Variants in SGSM2 observed in about 807,000 individuals in gnomAD.
SGSM2 encodes small G protein signaling modulator 2, also known as RUN and TBC1 domain containing 1.
In SGSM2, 89 loss-of-function variants were observed where a neutral mutation model predicts 126.6. The observed-to-expected ratio is 0.70, with a 90% CI of 0.59 to 0.84. The LOEUF is 0.84. SGSM2 is among the 40% of genes least tolerant of loss of function. SGSM2 has a pLI of 0.00. For missense variants in SGSM2, 1,404 were observed against 1,416.6 expected (o/e 0.99, Z 0.14); for synonymous variants, 614 against 574.3 (o/e 1.07, Z -0.99).
chr17:2,369,600 G>A (rs2065767087), intron 12 of SGSM2, among the ~76,000 whole-genome samples: 1 of 152,180 alleles, frequency 6.6e-6, no homozygotes, highest in Non-Finnish European at 1.5e-5. Context: ...CCTTCCTGGA[G>A]GATTAAGGTG....
In SGSM2 at chr17:2,337,995, G is replaced by A. The variant is rs141888875; in HGVS notation, c.57+250G>A. On this transcript the variant is annotated intron_variant, in intron 1 of 23. Transcript: ENST00000268989. This position sits in a 1 kb window ranked among gnomAD's most constrained non-coding sequence, Gnocchi z 5.1. Reference sequence around the variant, plus strand: ...GCCCCGCAGCTCCCCGCCCAGTGACGGCAGCGGCGCTGGGAGCCCAAGGCC... The same window carrying A: ...GCCCCGCAGCTCCCCGCCCAGTGACAGCAGCGGCGCTGGGAGCCCAAGGCC... Among the ~76,000 whole-genome samples the A allele has an allele frequency of 2.0e-3, 304 of 152,154 alleles. 2 individuals carry two copies. The highest frequency in any genetic ancestry group is 6.3e-3 in the African/African-American group (261 of 41,546).
chr17:2,340,805 C>T (rs550831241), intron 1 of SGSM2, among the ~76,000 whole-genome samples: 50 of 152,166 alleles, frequency 3.3e-4, no homozygotes, highest in South Asian at 1.2e-3. Context: ...AGGATGGTCT[C>T]GATCTCCTGA....
At chr17:2,364,790 A>G (rs1361045753) in intron 9 of SGSM2, 107 bp from the exon 10 acceptor site, 33 of 1,559,220 alleles carry the variant, frequency 2.1e-5, no homozygotes, top group Non-Finnish European at 2.7e-5. Context: ...CTCCCAGGCC[A>G]TGCTGTAGCC....
chr17:2,373,185 A>C, intron 16 of SGSM2, 104 bp downstream of exon 16: 1 of 1,559,148 alleles, frequency 6.4e-7, no homozygotes, highest in Non-Finnish European at 8.7e-7. Flanking sequence ...GCCGGAAAGA[A>C]GCATGGCAGG....
intron 12 of SGSM2, among the ~76,000 whole-genome samples, chr17:2,370,111 C>T (rs1202892842): frequency 4.6e-5 from 7 of 152,196 alleles, no homozygotes; most frequent in African/African-American, 1.4e-4. Flanking sequence ...CCCACGCCTG[C>T]GGCAGGCCAC....
At chr17:2,346,212 A>G (rs1191244893) in intron 2 of SGSM2, among the ~76,000 whole-genome samples, 1 of 152,168 alleles carries the variant, frequency 6.6e-6, no homozygotes, top group African/African-American at 2.4e-5. Flanking sequence ...TCAAGAGCAG[A>G]GTGAAGTCTG....
At chr17:2,354,768 A>G (rs1268623042) in intron 2 of SGSM2, among the ~76,000 whole-genome samples, 8 of 152,214 alleles carry the variant, frequency 5.3e-5, no homozygotes, top group Admixed American at 3.3e-4. Context: ...CGTCCCTTCC[A>G]TCTGTGTCTT....
chr17:2,375,948 C>G (rs2066123665), intron 18 of SGSM2, 73 bp downstream of exon 18: 2 of 1,513,308 alleles, frequency 1.3e-6, no homozygotes, highest in African/African-American at 2.8e-5. Flanking sequence ...TGGGGAAGCG[C>G]TGGTGGGGTG....
At chr17:2,358,425 CAG>C (rs1284521852) in intron 2 of SGSM2, among the ~76,000 whole-genome samples, 1 of 152,174 alleles carries the variant, frequency 6.6e-6, no homozygotes, top group African/African-American at 2.4e-5. Flanking sequence ...TCAGAAGTCT[CAG>C]AGCCAGGCTC....
intron 2 of SGSM2, among the ~76,000 whole-genome samples, chr17:2,353,029 G>A (rs9895347): frequency 0.54 from 82,129 of 150,970 alleles, 22,879 homozygotes; most frequent in East Asian, 0.75. Flanking sequence ...CACCCGCCTC[G>A]GCCTCCCAAA....
At chr17:2,339,798 A>G (rs1278306764) in intron 1 of SGSM2, among the ~76,000 whole-genome samples, 1 of 148,682 alleles carries the variant, frequency 6.7e-6, no homozygotes, top group Non-Finnish European at 1.5e-5. Flanking sequence ...GTTTGTTCCC[A>G]CCCCTCCCCT....
intron 1 of SGSM2, among the ~76,000 whole-genome samples, chr17:2,338,252 C>T (rs2064176784): frequency 6.6e-6 from 1 of 152,204 alleles, no homozygotes. Context: ...AGGGGTGCGC[C>T]GCACACCTCA....
At chr17:2,349,996 C>G (rs1567807350) in intron 2 of SGSM2, among the ~76,000 whole-genome samples, 1 of 151,982 alleles carries the variant, frequency 6.6e-6, no homozygotes, top group Non-Finnish European at 1.5e-5. Flanking sequence ...ACCGTGTTAG[C>G]CAGGATGGTC....
chr17:2,377,733 A>G (rs1327322097), intron 21 of SGSM2, 124 bp from the exon 22 acceptor site: 2 of 686,162 alleles, frequency 2.9e-6, no homozygotes, highest in Non-Finnish European at 5.3e-6. Context: ...GCACAGGGCA[A>G]CAGACAGACC....
rs9900817 is a variant in SGSM2, at chr17:2,337,951, C to T, written c.57+206C>T. ...TGCCCGGGGGACCCGGCCGGCGCTC[C>T]CGGCTTGTTTGCTTCGCAGCCCCGC... On this transcript the variant is annotated intron_variant, in intron 1 of 23. Coordinates refer to ENST00000268989, the MANE Select transcript of SGSM2 (RefSeq NM_014853.3). This position sits in a 1 kb window ranked among gnomAD's most constrained non-coding sequence, Gnocchi z 5.1. 0.018 allele frequency among the ~76,000 whole-genome samples: 2,747 copies of T among 152,104 alleles called. 77 individuals are homozygous for T. The highest frequency in any genetic ancestry group is 0.062 in the African/African-American group (2,556 of 41,536).
intron 2 of SGSM2, among the ~76,000 whole-genome samples, chr17:2,346,255 G>A (rs1002697588): frequency 2.0e-5 from 3 of 152,082 alleles, no homozygotes; most frequent in East Asian, 3.9e-4. Flanking sequence ...GCGACACCAC[G>A]GTCCCTAGTT....
intron 17 of SGSM2, 39 bp downstream of exon 17, chr17:2,373,552 G>A (rs1411095646): frequency 8.4e-6 from 13 of 1,556,466 alleles, no homozygotes; most frequent in South Asian, 1.1e-5. Flanking sequence ...GGGTCTCGGG[G>A]GCCACCCGCG....
chr17:2,377,981 G>C, intron 22 of SGSM2, 28 bp downstream of exon 22: 1 of 1,401,584 alleles, frequency 7.1e-7, no homozygotes, highest in Non-Finnish European at 1.0e-6. Flanking sequence ...TCATGGGGCT[G>C]AGGTCAGGGA....
chr17:2,361,508 G>C, intron 2 of SGSM2, 129 bp from the exon 3 acceptor site: 2 of 1,162,268 alleles, frequency 1.7e-6, no homozygotes, highest in Admixed American at 2.3e-5. Flanking sequence ...AAGGAAGCCA[G>C]GGTATCTCCC....
Sources: allele counts gnomAD v4.1 joint callset (sites outside exome capture counted in the v4.1 genomes callset), GRCh38; gene constraint gnomAD v4.1.1; non-coding constraint Gnocchi (gnomAD v3.1); transcripts MANE v1.5; gene names NCBI Gene and HGNC (gene_info 2026-07-23, HGNC 2026-07-21).